The following TMEM132B variants were observed in gnomAD, a reference collection of about 807,000 sequenced individuals.
TMEM132B encodes transmembrane protein 132B.
In TMEM132B, 18 loss-of-function variants were observed where a neutral mutation model predicts 90.8. The observed-to-expected ratio is 0.20, with a 90% confidence interval of 0.14 to 0.29. The LOEUF is 0.29. Ranked by LOEUF, TMEM132B falls within the 10% of genes least tolerant of loss-of-function variation. The probability of loss-of-function intolerance (pLI) is 1.00; values close to 1 mark genes in which losing one functional copy is unlikely to be tolerated. For synonymous variants in TMEM132B, 504 were observed against 523.3 expected, an observed-to-expected ratio of 0.96 and a Z score of 0.50; for missense variants, 1,096 against 1,326.8, an observed-to-expected ratio of 0.83 and a Z score of 2.70.
intron 4 of TMEM132B, among the ~76,000 whole-genome samples, chr12:125,565,907 G>A (rs1042184625): frequency 7.2e-5 from 11 of 152,176 alleles, no homozygotes; most frequent in Non-Finnish European, 1.6e-4. Flanking sequence ...AGGCTTGAGG[G>A]TGGGGCCTTT....
intron 3 of TMEM132B, among the ~76,000 whole-genome samples, chr12:125,495,991 G>A (rs1448148743): frequency 6.6e-6 from 1 of 152,206 alleles, no homozygotes; most frequent in African/African-American, 2.4e-5. Context: ...TTGAGAGGCT[G>A]CTAAAGGAGC....
chr12:125,644,509 A>C (rs1227576201), intron 6 of TMEM132B, among the ~76,000 whole-genome samples: 2 of 152,246 alleles, frequency 1.3e-5, no homozygotes, highest in African/African-American at 4.8e-5. Context: ...AACCTCATAG[A>C]ATAGTTGCTA....
intron 1 of TMEM132B, among the ~76,000 whole-genome samples, chr12:125,260,774 G>T (rs1874546376): frequency 6.6e-6 from 1 of 152,184 alleles, no homozygotes; most frequent in Non-Finnish European, 1.5e-5. Context: ...TAAAGGCTGG[G>T]CATAGTGGCT....
intron 1 of TMEM132B, among the ~76,000 whole-genome samples, chr12:125,187,787 G>T (rs560890984): frequency 9.8e-6 from 1 of 102,186 alleles, no homozygotes; most frequent in South Asian, 3.0e-4. Context: ...CCCACCCCAT[G>T]CAAGCAGTGG....
intron 5 of TMEM132B, among the ~76,000 whole-genome samples, chr12:125,633,874 C>T (rs1296349195): frequency 6.6e-6 from 1 of 152,202 alleles, no homozygotes; most frequent in African/African-American, 2.4e-5. Context: ...CTGGATCAGA[C>T]CTGAAGCCAG....
At chr12:125,197,748 T>C (rs1304510958) in intron 1 of TMEM132B, among the ~76,000 whole-genome samples, 1 of 152,198 alleles carries the variant, frequency 6.6e-6, no homozygotes, top group Non-Finnish European at 1.5e-5. Context: ...CTGACAGTGT[T>C]CAAAAACAAG....
At chr12:125,540,912 C>G (rs1481816486) in intron 4 of TMEM132B, among the ~76,000 whole-genome samples, 1 of 152,250 alleles carries the variant, frequency 6.6e-6, no homozygotes, top group African/African-American at 2.4e-5. Flanking sequence ...CTCCTAATCA[C>G]TCTCTGTTTC....
At chr12:125,651,254 A>G (rs1413175968) in intron 7 of TMEM132B, among the ~76,000 whole-genome samples, 2 of 152,222 alleles carry the variant, frequency 1.3e-5, no homozygotes, top group African/African-American at 2.4e-5. Flanking sequence ...TCTTTTCCCC[A>G]ACATCATATT....
At chr12:125,648,415 T>C (rs1366473985) in intron 6 of TMEM132B, among the ~76,000 whole-genome samples, 2 of 152,158 alleles carry the variant, frequency 1.3e-5, no homozygotes, top group Non-Finnish European at 2.9e-5. Context: ...TAAGTTATGC[T>C]TGTATGTTAA....
At chr12:125,481,920 A>G (rs1882054136) in intron 3 of TMEM132B, among the ~76,000 whole-genome samples, 1 of 152,206 alleles carries the variant, frequency 6.6e-6, no homozygotes, top group Admixed American at 6.5e-5. Context: ...GACCAATGGA[A>G]CAGAACAGAG....
chr12:125,234,954 T>C (rs1029147660), intron 1 of TMEM132B, among the ~76,000 whole-genome samples: 2 of 152,164 alleles, frequency 1.3e-5, no homozygotes, highest in East Asian at 1.9e-4. Flanking sequence ...AACTGACAGA[T>C]CTCTTTCCAG....
chr12:125,542,816 C>T (rs778915042), intron 4 of TMEM132B, among the ~76,000 whole-genome samples: 6 of 152,174 alleles, frequency 3.9e-5, no homozygotes, highest in Non-Finnish European at 7.4e-5. Flanking sequence ...AATATCTCTT[C>T]GAAGCCTTGC....
intron 3 of TMEM132B, among the ~76,000 whole-genome samples, chr12:125,421,436 C>T (rs1304261276): frequency 2.0e-5 from 3 of 152,164 alleles, no homozygotes; most frequent in African/African-American, 7.2e-5. Flanking sequence ...GGGAACTCCC[C>T]TCTATAAAAC....
intron 4 of TMEM132B, among the ~76,000 whole-genome samples, chr12:125,544,811 AG>A (rs1884048285): frequency 6.6e-6 from 1 of 152,208 alleles, no homozygotes; most frequent in Admixed American, 6.5e-5. Context: ...GGGCCAAAAA[AG>A]TGACCCTGAA....
At chr12:125,190,252 T>C (rs995345922) in intron 1 of TMEM132B, among the ~76,000 whole-genome samples, 2 of 152,152 alleles carry the variant, frequency 1.3e-5, no homozygotes, top group Admixed American at 6.5e-5. Context: ...TACCATACAG[T>C]CCTTTAGGGA....
chr12:125,223,854 G>A (rs962688613), intron 1 of TMEM132B, among the ~76,000 whole-genome samples: 1 of 152,006 alleles, frequency 6.6e-6, no homozygotes, highest in African/African-American at 2.4e-5. Flanking sequence ...TTGGTTCACT[G>A]CAATCTCTGC....
At chr12:125,484,153 G>GC (rs1882136120) in intron 3 of TMEM132B, among the ~76,000 whole-genome samples, 1 of 152,044 alleles carries the variant, frequency 6.6e-6, no homozygotes. Flanking sequence ...GCCTGCCTTG[G>GC]CCCCCCGAAG....
intron 1 of TMEM132B, among the ~76,000 whole-genome samples, chr12:125,258,822 G>A (rs1000680555): frequency 1.3e-5 from 2 of 152,164 alleles, no homozygotes; most frequent in African/African-American, 4.8e-5. Flanking sequence ...TGGGATGTGG[G>A]GGCTGTTGTA....
At chr12:125,465,143 C>G (rs1881531209) in intron 3 of TMEM132B, among the ~76,000 whole-genome samples, 1 of 152,208 alleles carries the variant, frequency 6.6e-6, no homozygotes, top group Non-Finnish European at 1.5e-5. Flanking sequence ...AGCTCTGCTA[C>G]TAGGTAGCTG....
Sources: gnomAD v4.1 joint callset for allele counts (sites outside exome capture counted in the v4.1 genomes callset) on GRCh38, gnomAD v4.1.1 for gene constraint, MANE v1.5 for transcripts, NCBI Gene and HGNC (gene_info 2026-07-23, HGNC 2026-07-21) for gene names.